PEBP4: variants seen among roughly 807,000 people sequenced by gnomAD.
PEBP4 encodes the protein phosphatidylethanolamine-binding protein 4.
A neutral mutation model predicts 23.9 loss-of-function variants in PEBP4; 22 were observed. That is an observed-to-expected ratio of 0.92 (90% confidence interval 0.66 to 1.31). PEBP4 has a LOEUF of 1.31. Among genes scored for constraint, PEBP4 ranks in the 40% most tolerant of loss-of-function variants. The probability of loss-of-function intolerance (pLI) is 0.00; values close to 1 mark genes in which losing one functional copy is unlikely to be tolerated. For synonymous variants in PEBP4, 112 were observed against 99.3 expected, an observed-to-expected ratio of 1.13 and a Z score of -0.76; for missense variants, 324 against 281.7, an observed-to-expected ratio of 1.15 and a Z score of -1.07.
chr8:22,791,864 T>C (rs952832389), intron 4 of PEBP4, among the ~76,000 whole-genome samples: 5 of 49,168 alleles, frequency 1.0e-4, no homozygotes, highest in African/African-American at 3.9e-4. Context: ...CACTGGATTC[T>C]TTTTTTTTTT....
At chr8:22,892,075 A>G (rs930599582) in intron 3 of PEBP4, among the ~76,000 whole-genome samples, 2 of 145,678 alleles carry the variant, frequency 1.4e-5, no homozygotes, top group South Asian at 2.2e-4. Flanking sequence ...TCCGTCTCAG[A>G]AAAAAAAAAA....
chr8:22,733,020 G>A (rs912178653), intron 4 of PEBP4, among the ~76,000 whole-genome samples: 7 of 152,164 alleles, frequency 4.6e-5, no homozygotes, highest in Non-Finnish European at 1.0e-4. Flanking sequence ...TAAAGAGCAC[G>A]GTGCTGGAAG....
chr8:22,854,184 T>C (rs1807596702), intron 3 of PEBP4, among the ~76,000 whole-genome samples: 1 of 152,302 alleles, frequency 6.6e-6, no homozygotes, highest in East Asian at 1.9e-4. Context: ...GGCTTTGAGA[T>C]TGGCAGCAGC....
rs1397291153 is a variant in PEBP4 at position 22,883,616 on chromosome 8, C to T, written c.258+36568G>A. Among the ~76,000 whole-genome samples the T allele has an allele frequency of 4.6e-5, 7 of 152,160 alleles. No homozygotes were observed. The South Asian group carries it at 1.4e-3, about 31-fold the overall frequency. On this transcript the variant is annotated intron_variant, in intron 3 of 6. Transcript: ENST00000256404. ...CAACCTGCTAATGAGTCGTCTTGAACCTTGCGTGGTGTTACCTCTAATTTT... is the reference window on the plus strand; with the variant it reads ...CAACCTGCTAATGAGTCGTCTTGAATCTTGCGTGGTGTTACCTCTAATTTT...
At chr8:22,927,958 C>A, upstream of PEBP4, 1 of 478,930 alleles carries the variant, frequency 2.1e-6, no homozygotes, top group Non-Finnish European at 3.7e-6. Flanking sequence ...CTGGCAGAGG[C>A]CCCTCCCCTG....
rs188816940 is a variant in PEBP4, at chr8:22,910,335, C to T, written c.258+9849G>A. ...AAGAGACCAAGCCCCCAACATCCCG[C>T]GCTTGCTCCATATCACGGCACGCAT... is the stretch of plus-strand genomic sequence containing the variant. On this transcript the variant is annotated intron_variant, in intron 3 of 6. Transcript: ENST00000256404. Among the ~76,000 whole-genome samples the T allele has an allele frequency of 1.6e-3, 247 of 152,384 alleles. 2 individuals are homozygous for T. The highest frequency in any genetic ancestry group is 5.2e-3 in the African/African-American group (217 of 41,596).
intron 4 of PEBP4, among the ~76,000 whole-genome samples, chr8:22,802,794 G>A (rs1806413722): frequency 6.6e-6 from 1 of 152,160 alleles, no homozygotes; most frequent in African/African-American, 2.4e-5. Flanking sequence ...TTGTGCGTAC[G>A]AACATTTTGG....
At chr8:22,863,639 C>T (rs1208476801) in intron 3 of PEBP4, among the ~76,000 whole-genome samples, 1 of 152,136 alleles carries the variant, frequency 6.6e-6, no homozygotes, top group Admixed American at 6.5e-5. Context: ...CTGATCTGTT[C>T]AACGCACATT....
At position 22,756,787 on chromosome 8, in the gene PEBP4, G is replaced by A. The variant is rs899351617; in HGVS notation, c.358-29567C>T. 3.3e-5 allele frequency among the ~76,000 whole-genome samples: 5 copies of A among 152,120 alleles called. No homozygotes were observed. The East Asian group carries it at 5.8e-4, about 18-fold the overall frequency. On this transcript the variant is annotated intron_variant, in intron 4 of 6. Transcript: ENST00000256404. ...TGCCAAGGCTGGGACTGTTGAGTTC[G>A]GAAATCGTGGTGGCCAAACTCCACC...
chr8:22,772,892 C>T (rs1805743782), intron 4 of PEBP4, among the ~76,000 whole-genome samples: 1 of 152,208 alleles, frequency 6.6e-6, no homozygotes, highest in South Asian at 2.1e-4. Flanking sequence ...CAGCCTCCAC[C>T]AGAACCCACC....
chr8:22,890,430 TAC>T, intron 3 of PEBP4, among the ~76,000 whole-genome samples: 1 of 152,366 alleles, frequency 6.6e-6, no homozygotes, highest in East Asian at 1.9e-4. Flanking sequence ...GTCATAGACT[TAC>T]AAATTTCAGC....
At chr8:22,851,523 A>G (rs1053318379) in intron 3 of PEBP4, among the ~76,000 whole-genome samples, 2 of 152,164 alleles carry the variant, frequency 1.3e-5, no homozygotes, top group African/African-American at 4.8e-5. Flanking sequence ...AGCTCAGGAA[A>G]GCTAAGCAAC....
rs540459719 is a variant in PEBP4, at chr8:22,773,244, T to C, written c.357+44393A>G. ...TACAAAGCAGAATAATTGCTATTAA[T>C]GTCCTATCGCAGCACAAAAGGCAGT... On this transcript the variant is annotated intron_variant, in intron 4 of 6. Coordinates refer to ENST00000256404, the MANE Select transcript of PEBP4 (RefSeq NM_144962.3). 9.2e-5 allele frequency among the ~76,000 whole-genome samples: 14 copies of C among 152,358 alleles called. No homozygotes were observed. The East Asian group carries it at 9.6e-4, about 10-fold the overall frequency.
intron 4 of PEBP4, among the ~76,000 whole-genome samples, chr8:22,784,085 G>A (rs28418949): frequency 0.01 from 1,530 of 152,308 alleles, 22 homozygotes; most frequent in African/African-American, 0.035. Flanking sequence ...TACGTAGGAG[G>A]AGCCTGGGGA....
chr8:22,786,432 G>A (rs994953788), intron 4 of PEBP4, among the ~76,000 whole-genome samples: 7 of 151,964 alleles, frequency 4.6e-5, no homozygotes, highest in Non-Finnish European at 8.8e-5. Context: ...ACAGTTGCAC[G>A]CCACCATGTC....
At chr8:22,847,897 T>C (rs1807471710) in intron 3 of PEBP4, among the ~76,000 whole-genome samples, 1 of 152,140 alleles carries the variant, frequency 6.6e-6, no homozygotes, top group Admixed American at 6.5e-5. Flanking sequence ...CCACTCTCAG[T>C]GGGGGTAATC....
intron 3 of PEBP4, among the ~76,000 whole-genome samples, chr8:22,855,725 T>C (rs1013791620): frequency 1.3e-5 from 2 of 152,046 alleles, no homozygotes; most frequent in African/African-American, 4.8e-5. Context: ...GTACAATTTC[T>C]CTACATAAAA....
intron 3 of PEBP4, among the ~76,000 whole-genome samples, chr8:22,893,196 G>A (rs1473628916): frequency 1.3e-5 from 2 of 152,192 alleles, no homozygotes; most frequent in Non-Finnish European, 2.9e-5. Flanking sequence ...TCCTGGGGCA[G>A]CAGGGAGAGT....
intron 3 of PEBP4, among the ~76,000 whole-genome samples, chr8:22,860,216 GTA>G (rs1415646215): frequency 7.3e-5 from 10 of 137,664 alleles, no homozygotes; most frequent in East Asian, 2.0e-4. Flanking sequence ...ACACATATAT[GTA>G]TATATATATA....
Sources: allele counts gnomAD v4.1 joint callset (sites outside exome capture counted in the v4.1 genomes callset), GRCh38; gene constraint gnomAD v4.1.1; transcripts MANE v1.5; gene names NCBI Gene and HGNC (gene_info 2026-07-23, HGNC 2026-07-21).